MRC2: variants seen among roughly 807,000 people sequenced by gnomAD.
MRC2 encodes mannose receptor C-type 2.
MRC2 carries 84 observed loss-of-function variants against 206.2 expected under a neutral mutation model. The ratio of observed to expected loss-of-function variants is 0.41; its 90% CI spans 0.34 to 0.49. MRC2 has a LOEUF of 0.49. Ranked by LOEUF, MRC2 falls within the 20% of genes least tolerant of loss-of-function variation. The probability of loss-of-function intolerance (pLI) is 0.31; values close to 1 mark genes in which losing one functional copy is unlikely to be tolerated. For missense variants in MRC2, 1,676 were observed against 2,001.5 expected (o/e 0.84, Z 3.10); for synonymous variants, 798 against 800.0 (o/e 1.00, Z 0.04).
At chr17:62,670,922 T>A (rs1435117418) in intron 6 of MRC2, among the ~76,000 whole-genome samples, 1 of 152,148 alleles carries the variant, frequency 6.6e-6, no homozygotes, top group Non-Finnish European at 1.5e-5. Flanking sequence ...GCTCAATAAA[T>A]GTTATTTGAG....
Position 62,664,486 on chromosome 17 carries a change from G to T in MRC2, c.119-62G>T. 2 of 1,535,762 alleles carry T rather than the reference G, an allele frequency of 1.3e-6. No homozygotes were observed. The highest frequency in any genetic ancestry group is 2.3e-5 in the East Asian group (1 of 44,402). ...ATGGTAGGTGCCTGTCAGCCACACC[G>T]GTCATCAAGGGCCAACCAGGAGAGC... is the stretch of plus-strand genomic sequence containing the variant. On this transcript the variant is annotated intron_variant, in intron 1 of 29. Transcript: ENST00000303375. The surrounding 1 kb of genome is among the most constrained non-coding windows in gnomAD (Gnocchi z 4.7).
chr17:62,635,256 T>C (rs2147428711), intron 1 of MRC2, among the ~76,000 whole-genome samples: 2 of 150,338 alleles, frequency 1.3e-5, no homozygotes, highest in South Asian at 2.1e-4. Context: ...CGTGACACTT[T>C]GCTAACTACT....
intron 8 of MRC2, among the ~76,000 whole-genome samples, chr17:62,673,507 CTTTTT>C (rs55974246): frequency 1.7e-5 from 2 of 119,696 alleles, no homozygotes; most frequent in Non-Finnish European, 1.7e-5. Flanking sequence ...GACGCCTTTC[CTTTTT>C]TTTTTTTTTT....
chr17:62,651,813 C>T (rs1485270438), intron 1 of MRC2, among the ~76,000 whole-genome samples: 4 of 152,114 alleles, frequency 2.6e-5, no homozygotes, highest in African/African-American at 7.2e-5. Flanking sequence ...CTTAAGTGAT[C>T]CACCTGCCTC....
chr17:62,668,335 G>A (rs1219384405), intron 6 of MRC2, among the ~76,000 whole-genome samples: 2 of 149,486 alleles, frequency 1.3e-5, no homozygotes, highest in African/African-American at 5.0e-5. Context: ...CTGGGCAACA[G>A]AGCGAGACGA....
At chr17:62,665,006 C>A (rs778131533) in intron 2 of MRC2, 57 bp downstream of exon 2, 1 of 1,518,504 alleles carries the variant, frequency 6.6e-7, no homozygotes, top group Non-Finnish European at 8.8e-7. Context: ...GGGACTGGAG[C>A]CATGAGGGAC....
intron 8 of MRC2, 63 bp from the exon 9 acceptor site, chr17:62,674,000 G>A: frequency 1.5e-6 from 2 of 1,306,162 alleles, no homozygotes; most frequent in Non-Finnish European, 2.2e-6. Flanking sequence ...CAGATTCCAA[G>A]AAGGATTTGG....
intron 1 of MRC2, among the ~76,000 whole-genome samples, chr17:62,656,956 C>T (rs1338158410): frequency 2.0e-5 from 3 of 152,198 alleles, no homozygotes; most frequent in Non-Finnish European, 4.4e-5. Flanking sequence ...TTGGCAGCCC[C>T]AGCCTAGCAA....
chr17:62,671,819 A>T lies in MRC2; in HGVS notation c.1288A>T (p.Thr430Ser). The T allele has an allele frequency of 6.2e-7, 1 of 1,602,394 alleles. No homozygotes were observed. The highest frequency in any genetic ancestry group is 1.7e-5 in the Admixed American group (1 of 59,488). Reference protein sequence around the residue: ...IHSMAELEFITKQIKQEVEEL... With the variant: ...IHSMAELEFISKQIKQEVEEL... Reference sequence around the variant, plus strand: ...CAGCATGGCGGAGCTGGAATTCATCACCAAGCAGATCAAGCAAGGTGAGGA... The same window carrying T: ...CAGCATGGCGGAGCTGGAATTCATCTCCAAGCAGATCAAGCAAGGTGAGGA... Residue 430 changes from threonine (T) to serine (S), a missense_variant, in exon 7 of 30, where the codon ACC (threonine) becomes TCC (serine). By Grantham distance (58) the Thr-to-Ser change is moderately conservative. Coordinates refer to ENST00000303375, the MANE Select transcript of MRC2 (RefSeq NM_006039.5). This position sits in a 1 kb window ranked among gnomAD's most constrained non-coding sequence, Gnocchi z 4.5.
Position 62,671,365 on chromosome 17 carries a change from C to G in MRC2, c.1118-284C>G, listed in dbSNP as rs2088823374. 6.6e-6 allele frequency among the ~76,000 whole-genome samples: 1 copy of G among 152,242 alleles called. No individual in the cohort carries two copies. Among genetic ancestry groups the G allele is most frequent in the African/African-American group, 2.4e-5 (1 of 41,470 alleles). ...GGATTACAGGCCTGAGCCACCATGC[C>G]TGGCCCACCCATCGTATTCTGAGAG... On this transcript the variant is annotated intron_variant, in intron 6 of 29. Transcript: ENST00000303375. The surrounding 1 kb of genome is among the most constrained non-coding windows in gnomAD (Gnocchi z 4.5).
At chr17:62,687,200 G>T (rs1217375596) in intron 20 of MRC2, among the ~76,000 whole-genome samples, 1 of 151,802 alleles carries the variant, frequency 6.6e-6, no homozygotes, top group Non-Finnish European at 1.5e-5. Context: ...CGCTCTTGTT[G>T]CCCAGGCTGG....
chr17:62,692,021 C>G lies in MRC2; in HGVS notation c.4193-91C>G, dbSNP rs143931793. ...AGAGCCTCTTTCTCCCCAGACCTCC[C>G]GGCCCAGGCCTGTGTGCTTTGTATG... On this transcript the variant is annotated intron_variant, in intron 28 of 29. Transcript: ENST00000303375. The surrounding 1 kb of genome is among the most constrained non-coding windows in gnomAD (Gnocchi z 4.2). 1 of 1,565,462 alleles carries G rather than the reference C, an allele frequency of 6.4e-7. No individual in the cohort carries two copies. The highest frequency in any genetic ancestry group is 1.7e-5 in the Admixed American group (1 of 58,658).
intron 1 of MRC2, among the ~76,000 whole-genome samples, chr17:62,653,693 C>T (rs904583066): frequency 3.3e-5 from 5 of 152,034 alleles, no homozygotes; most frequent in African/African-American, 9.7e-5. Flanking sequence ...GCACTTTAAG[C>T]TGTGGGAGGA....
chr17:62,683,104 A>G lies in MRC2; in HGVS notation c.2946+727A>G, dbSNP rs567288329. Among the ~76,000 whole-genome samples the G allele has an allele frequency of 3.8e-3, 572 of 152,074 alleles. 5 individuals carry two copies. Among genetic ancestry groups the G allele is most frequent in the African/African-American group, 0.013 (548 of 41,552 alleles). ...CATACTAATATGACTAATATTATAT[A>G]TAGTAAAATATGTATAAGAACAAAA... On this transcript the variant is annotated intron_variant, in intron 20 of 29. Coordinates refer to ENST00000303375, the MANE Select transcript of MRC2 (RefSeq NM_006039.5).
intron 1 of MRC2, among the ~76,000 whole-genome samples, chr17:62,632,680 G>A (rs2088259343): frequency 6.6e-6 from 1 of 152,136 alleles, no homozygotes; most frequent in African/African-American, 2.4e-5. Flanking sequence ...GGAGGACGCT[G>A]AGGGAGCCTG....
chr17:62,653,777 C>T (rs1009589822), intron 1 of MRC2, among the ~76,000 whole-genome samples: 12 of 151,438 alleles, frequency 7.9e-5, no homozygotes, highest in African/African-American at 2.7e-4. Flanking sequence ...GGAAGGTGGC[C>T]GGTAGAGGGA....
intron 1 of MRC2, among the ~76,000 whole-genome samples, chr17:62,630,781 G>C (rs1430829475): frequency 1.3e-5 from 2 of 152,004 alleles, no homozygotes; most frequent in Non-Finnish European, 2.9e-5. Context: ...GACAGGGAGG[G>C]TGGCATCGGG....
At position 62,680,594 on chromosome 17, in the gene MRC2, A is replaced by G; in HGVS notation, c.2473+141A>G. The G allele has an allele frequency of 7.5e-7, 1 of 1,331,274 alleles. No individual in the cohort carries two copies. Among genetic ancestry groups the G allele is most frequent in the Non-Finnish European group, 1.0e-6 (1 of 968,870 alleles). The allele number at this position is 1,331,274 out of a possible 1,614,324, so 82.5% of individuals were successfully genotyped here. A position where few individuals can be genotyped will look rare whatever the true frequency, so the allele number is the denominator to read the frequency against. ...AGGGGGACGGGGTTGGCTCGGACGG[A>G]GGCAGCCACAGCCCTGTTTGCTTCC... On this transcript the variant is annotated intron_variant, in intron 16 of 29. Transcript: ENST00000303375. The surrounding 1 kb of genome is among the most constrained non-coding windows in gnomAD (Gnocchi z 4.8).
chr17:62,672,275 G>C lies in MRC2; in HGVS notation c.1461+123G>C. 8.8e-7 allele frequency: 1 copy of C among 1,130,926 alleles called. No individual in the cohort carries two copies. The highest frequency in any genetic ancestry group is 1.3e-6 in the Non-Finnish European group (1 of 781,832). The allele number at this position is 1,130,926 out of a possible 1,614,324, so 70.1% of individuals were successfully genotyped here. ...GCCTGGAACCTCTTACCTCTCAGCA[G>C]TCCCCCTCCTCCCCACCAATGCCTT... On this transcript the variant is annotated intron_variant, in intron 8 of 29. Coordinates refer to ENST00000303375, the MANE Select transcript of MRC2 (RefSeq NM_006039.5). This position sits in a 1 kb window ranked among gnomAD's most constrained non-coding sequence, Gnocchi z 4.5.
Sources: allele counts gnomAD v4.1 joint callset (sites outside exome capture counted in the v4.1 genomes callset), GRCh38; gene constraint gnomAD v4.1.1; non-coding constraint Gnocchi (gnomAD v3.1); transcripts MANE v1.5; gene names NCBI Gene and HGNC (gene_info 2026-07-23, HGNC 2026-07-21).